ASH1L: variants seen among roughly 807,000 people sequenced by gnomAD.
ASH1L encodes histone-lysine N-methyltransferase ASH1L.
In ASH1L, 23 loss-of-function variants were observed where a neutral mutation model predicts 269.0. The observed-to-expected ratio is 0.09, with a 90% CI of 0.06 to 0.12. ASH1L has a LOEUF of 0.12. Ranked by LOEUF, ASH1L falls within the 10% of genes least tolerant of loss-of-function variation. The pLI is 1.00. For missense variants in ASH1L, 2,912 were observed against 3,567.8 expected, an observed-to-expected ratio of 0.82 and a Z score of 4.68; for synonymous variants, 1,187 against 1,253.5, an observed-to-expected ratio of 0.95 and a Z score of 1.12.
In ASH1L at chr1:155,360,313, A is replaced by G. The variant is rs779624204; in HGVS notation, c.6783T>C (p.Asn2261=). The change falls in exon 13 of 28, where the codon AAT becomes AAC. Residue 2261 remains asparagine (N), a synonymous_variant. Coordinates refer to ENST00000392403, the MANE Select transcript of ASH1L (RefSeq NM_018489.3). The part of the protein sequence containing the change: ...LTYDYNFHSF[N]VEKQQLCKCG... ...TTATTATTCTTACCTGTTTTTCCACATTGAAGGAATGAAAGTTATAATCAT... is the reference window on the plus strand; with the variant it reads ...TTATTATTCTTACCTGTTTTTCCACGTTGAAGGAATGAAAGTTATAATCAT... 9.9e-6 allele frequency: 16 copies of G among 1,609,584 alleles called. No homozygotes were observed. The highest frequency in any genetic ancestry group is 1.4e-5 in the Non-Finnish European group (16 of 1,176,068).
At chr1:155,520,090 A>C (rs904318084) in intron 2 of ASH1L, 1 of 152,126 alleles carries the variant, frequency 6.6e-6, no homozygotes, top group African/African-American at 2.4e-5. Context: ...AGTGGCTCAC[A>C]CCTGTAATCC....
intron 7 of ASH1L, among the ~76,000 whole-genome samples, chr1:155,392,129 T>C (rs1457785208): frequency 6.6e-6 from 1 of 152,190 alleles, no homozygotes; most frequent in Non-Finnish European, 1.5e-5. Flanking sequence ...CTAACTATAC[T>C]GGATTCTGGC....
At chr1:155,401,518 A>G (rs967225975) in intron 6 of ASH1L, among the ~76,000 whole-genome samples, 4 of 150,808 alleles carry the variant, frequency 2.7e-5, no homozygotes, top group Non-Finnish European at 5.9e-5. Context: ...ACGGTGGCTC[A>G]CGCCTGTAAT....
chr1:155,550,263 C>A lies in ASH1L; in HGVS notation c.-100+11890G>T, dbSNP rs1234756019. 2.0e-5 allele frequency among the ~76,000 whole-genome samples: 3 copies of A among 152,168 alleles called. No individual in the cohort carries two copies. The East Asian group carries it at 5.8e-4, about 29-fold the overall frequency. On this transcript the variant is annotated intron_variant, in intron 1 of 27. Transcript: ENST00000392403. ...TCAAACTCCTGACCTCGTGATCCAC[C>A]CATCTCGGCCTCCCAAAGTGCTGGG...
intron 4 of ASH1L, chr1:155,440,610 C>T (rs766621731): frequency 4.6e-5 from 31 of 670,970 alleles, no homozygotes; most frequent in East Asian, 1.4e-4. Flanking sequence ...ATTACCAAAA[C>T]GAAAAATGAC....
chr1:155,459,165 G>A (rs993494213), intron 4 of ASH1L, among the ~76,000 whole-genome samples: 10 of 151,704 alleles, frequency 6.6e-5, no homozygotes, highest in African/African-American at 2.2e-4. Context: ...AGAGATTTCT[G>A]AATGCTACTT....
In ASH1L at chr1:155,438,640, C is replaced by A. The variant is rs1662292529; in HGVS notation, c.5515G>T (p.Ala1839Ser). 1 of 1,614,220 alleles carries A rather than the reference C, an allele frequency of 6.2e-7. No individual in the cohort carries two copies. Among genetic ancestry groups the A allele is most frequent in the Non-Finnish European group, 8.5e-7 (1 of 1,180,038 alleles). Residue 1839 changes from alanine (A) to serine (S), a missense_variant, in exon 5 of 28, where the codon GCC (alanine) becomes TCC (serine). Around this residue, in one of 13 missense-constraint regions of ASH1L, gnomAD observed 789 missense variants for 897.6 expected, o/e 0.88. Transcript: ENST00000392403. Reference protein sequence around the residue: ...ILKAKKLQRQARTGNNFVKRR... With the variant: ...ILKAKKLQRQSRTGNNFVKRR... ...TTCACAAAGTTATTCCCTGTCCTGG[C>A]CTGCCTTTGAAGTTTTTTGGCTTTT...
intron 1 of ASH1L, among the ~76,000 whole-genome samples, chr1:155,547,896 A>G (rs1670939102): frequency 6.6e-6 from 1 of 152,216 alleles, no homozygotes; most frequent in Non-Finnish European, 1.5e-5. Flanking sequence ...GAATGGCGTG[A>G]ACCCGGAAGG....
chr1:155,438,903 C>T lies in ASH1L; in HGVS notation c.5252G>A (p.Arg1751His), dbSNP rs1018837295. 9.3e-6 allele frequency: 15 copies of T among 1,614,032 alleles called. No homozygotes were observed. Among genetic ancestry groups the T allele is most frequent in the African/African-American group, 4.0e-5 (3 of 74,908 alleles). ...CAGGGTTCGGTCCTTGCTGTGGCTA[C>T]GGCCTGGACTGGAAGAAGGTGGTGC... ...ASAPPSSSPG[R>H]SHSKDRTLGK... The change falls in exon 5 of 28, where the codon CGT becomes CAT. Residue 1751 changes from arginine (R) to histidine (H), a missense_variant. Coordinates refer to ENST00000392403, the MANE Select transcript of ASH1L (RefSeq NM_018489.3).
chr1:155,356,618 G>A (rs1402607214), intron 15 of ASH1L, among the ~76,000 whole-genome samples: 1 of 151,008 alleles, frequency 6.6e-6, no homozygotes, highest in Non-Finnish European at 1.5e-5. Context: ...ACTCCAGCCT[G>A]GGCGACACAG....
chr1:155,422,197 G>C (rs190620701), intron 5 of ASH1L, among the ~76,000 whole-genome samples: 36 of 152,080 alleles, frequency 2.4e-4, no homozygotes, highest in African/African-American at 8.4e-4. Flanking sequence ...GAGTGCAGTG[G>C]CACGATCTCG....
chr1:155,479,128 GTTTTTC>G lies in ASH1L; in HGVS notation c.3736_3741del (p.Glu1246_Lys1247del). ...TTCCTGCGCTTACATTTGTGTTTAT[GTTTTTC>G]TTTAAGACTGCTTAGCACTGTAGAG... On this transcript the variant is annotated inframe_deletion, in exon 3 of 28. Coordinates refer to ENST00000392403, the MANE Select transcript of ASH1L (RefSeq NM_018489.3). The G allele has an allele frequency of 5.0e-6, 8 of 1,614,116 alleles. No homozygotes were observed. Among genetic ancestry groups the G allele is most frequent in the Non-Finnish European group, 6.8e-6 (8 of 1,180,014 alleles).
At chr1:155,515,598 C>G (rs1668448068) in intron 2 of ASH1L, among the ~76,000 whole-genome samples, 2 of 152,094 alleles carry the variant, frequency 1.3e-5, no homozygotes, top group South Asian at 2.1e-4. Flanking sequence ...AAGACTGAGG[C>G]AGGCGAATCA....
chr1:155,521,275 T>G lies in ASH1L; in HGVS notation c.245A>C (p.Glu82Ala). 1 of 1,614,202 alleles carries G rather than the reference T, an allele frequency of 6.2e-7. No homozygotes were observed. The highest frequency in any genetic ancestry group is 8.5e-7 in the Non-Finnish European group (1 of 1,180,032). Residue 82 changes from glutamate (E) to alanine (A), a missense_variant, in exon 2 of 28, where the codon GAG becomes GCG. Transcript: ENST00000392403. Reference sequence around the variant, plus strand: ...GCCAATTTTCAATTTTAAATTTCCCTCTGAAAAGTTTGTTTCTTTCACTGA... The same window carrying G: ...GCCAATTTTCAATTTTAAATTTCCCGCTGAAAAGTTTGTTTCTTTCACTGA... Reference protein sequence around the residue: ...QFSVKETNFSEGNLKLKIGLQ... With the variant: ...QFSVKETNFSAGNLKLKIGLQ...
chr1:155,385,085 T>G (rs868306123), intron 7 of ASH1L, among the ~76,000 whole-genome samples: 5 of 151,896 alleles, frequency 3.3e-5, no homozygotes, highest in Non-Finnish European at 5.9e-5. Context: ...TCTGGTTCAA[T>G]TTCTCTCATA....
intron 12 of ASH1L, among the ~76,000 whole-genome samples, chr1:155,368,715 A>G (rs1269345393): frequency 6.6e-6 from 1 of 152,172 alleles, no homozygotes; most frequent in Non-Finnish European, 1.5e-5. Flanking sequence ...TCGGCCTCCC[A>G]AAGTGCTGGG....
In ASH1L at chr1:155,468,936, G is replaced by A. The variant is rs1664890608; in HGVS notation, c.4984+8950C>T. The stretch of plus-strand genomic sequence containing the variant: ...ATAACAATGTCATTGTAAGGAAAAA[G>A]CAAATAATAAACCAGTCAGAAGTGC... On this transcript the variant is annotated intron_variant, in intron 3 of 27. Transcript: ENST00000392403. Among the ~76,000 whole-genome samples, 2 of 152,076 alleles carry A rather than the reference G, an allele frequency of 1.3e-5. 1 individual carries two copies. The highest frequency in any genetic ancestry group is 4.2e-4 in the South Asian group (2 of 4,814).
intron 2 of ASH1L, among the ~76,000 whole-genome samples, chr1:155,517,301 G>A (rs371691744): frequency 1.2e-4 from 18 of 152,154 alleles, no homozygotes; most frequent in Middle Eastern, 3.4e-3. Flanking sequence ...AGTGAGTAGC[G>A]TAGCCTGGAT....
chr1:155,336,142 T>C lies in ASH1L; in HGVS notation c.*1518A>G. The C allele has an allele frequency of 6.6e-6, 1 of 152,528 alleles. No homozygotes were observed. The highest frequency in any genetic ancestry group is 2.1e-4 in the South Asian group (1 of 4,832). The allele number at this position is 152,528 out of a possible 1,614,324, so 9.4% of individuals were successfully genotyped here. On this transcript the variant is annotated 3_prime_UTR_variant, in exon 28 of 28. Transcript: ENST00000392403. ...ATCCCCTCTCTCTTTTGTTTTTTCC[T>C]CAAGAATGACACAGAAAGGGGAAAA...
Sources: allele counts gnomAD v4.1 joint callset (sites outside exome capture counted in the v4.1 genomes callset), GRCh38; gene constraint gnomAD v4.1.1; regional missense constraint gnomAD v4.1.1; transcripts MANE v1.5; gene names NCBI Gene and HGNC (gene_info 2026-07-23, HGNC 2026-07-21).